The following PRRX2 variants were observed in gnomAD, a reference collection of about 807,000 sequenced individuals.
PRRX2 encodes paired mesoderm homeobox protein 2.
A neutral mutation model predicts 18.0 loss-of-function variants in PRRX2; 11 were observed. That is an observed-to-expected ratio of 0.61 (90% CI 0.39 to 1.01). PRRX2 has a LOEUF of 1.01. Ranked by LOEUF, PRRX2 falls within the 50% of genes least tolerant of loss-of-function variation. PRRX2 has a pLI of 0.01. For synonymous variants in PRRX2, 177 were observed against 154.8 expected (o/e 1.14, Z -1.06); for missense variants, 387 against 351.0 (o/e 1.10, Z -0.82).
At chr9:129,672,218 G>A (rs78143658) in intron 1 of PRRX2, among the ~76,000 whole-genome samples, 4 of 152,128 alleles carry the variant, frequency 2.6e-5, no homozygotes, top group African/African-American at 7.2e-5. Context: ...CAGAGGCTGC[G>A]CCAGTGGAGC....
intron 1 of PRRX2, among the ~76,000 whole-genome samples, chr9:129,696,477 A>C (rs2130921645): frequency 6.6e-6 from 1 of 152,322 alleles, no homozygotes. Flanking sequence ...CTAGAGGCTC[A>C]GGTGGGAGGA....
intron 1 of PRRX2, among the ~76,000 whole-genome samples, chr9:129,714,127 A>C (rs139312397): frequency 0.037 from 5,471 of 149,702 alleles, 349 homozygotes; most frequent in East Asian, 0.29. Context: ...ACATGGTGAA[A>C]CCTCATCTCT....
At chr9:129,704,445 G>C (rs564549482) in intron 1 of PRRX2, among the ~76,000 whole-genome samples, 1 of 152,286 alleles carries the variant, frequency 6.6e-6, no homozygotes, top group South Asian at 2.1e-4. Context: ...CAGATGCTCA[G>C]GGCAGGCAGG....
Position 129,665,977 on chromosome 9 carries a change from A to G in PRRX2, c.110A>G (p.Asn37Ser). The G allele has an allele frequency of 8.8e-7, 1 of 1,137,378 alleles. No individual in the cohort carries two copies. Among genetic ancestry groups the G allele is most frequent in the Non-Finnish European group, 1.1e-6 (1 of 922,102 alleles). 70.5% of individuals were successfully genotyped at this position (1,137,378 alleles called of 1,614,324 possible). A position where few individuals can be genotyped will look rare whatever the true frequency, so the allele number is the denominator to read the frequency against. Reference protein sequence around the residue: ...GPGDCAQARKNFSVSHLLDLE... With the variant: ...GPGDCAQARKSFSVSHLLDLE... ...GGCGACTGCGCCCAGGCGCGCAAGA[A>G]CTTCTCGGTGAGCCACCTCCTGGAC... is the stretch of plus-strand genomic sequence containing the variant. Residue 37 changes from asparagine (N) to serine (S), a missense_variant, in exon 1 of 4, where the codon AAC becomes AGC. Coordinates refer to ENST00000372469, the MANE Select transcript of PRRX2 (RefSeq NM_016307.4). The surrounding 1 kb of genome is among the most constrained non-coding windows in gnomAD (Gnocchi z 5.3).
chr9:129,693,872 C>A (rs1422433758), intron 1 of PRRX2, among the ~76,000 whole-genome samples: 1 of 152,114 alleles, frequency 6.6e-6, no homozygotes, highest in Admixed American at 6.5e-5. Flanking sequence ...GTGGAACTTC[C>A]CAAAATGAGC....
chr9:129,721,749 G>A (rs559892589), intron 3 of PRRX2, among the ~76,000 whole-genome samples: 3 of 152,186 alleles, frequency 2.0e-5, no homozygotes, highest in African/African-American at 7.2e-5. Context: ...CAAGCTAATT[G>A]TTTGTATTTT....
intron 1 of PRRX2, among the ~76,000 whole-genome samples, chr9:129,669,751 G>A (rs1832077157): frequency 6.6e-6 from 1 of 152,126 alleles, no homozygotes; most frequent in African/African-American, 2.4e-5. Flanking sequence ...TTGTGGTGGG[G>A]GTCCCCAGGG....
chr9:129,704,869 G>C (rs1003475879), intron 1 of PRRX2, among the ~76,000 whole-genome samples: 1 of 152,200 alleles, frequency 6.6e-6, no homozygotes, highest in East Asian at 1.9e-4. Flanking sequence ...ACTGGCTCTG[G>C]GCTTTAGGAG....
chr9:129,712,003 CAG>C (rs1281859738), intron 1 of PRRX2, among the ~76,000 whole-genome samples: 10 of 152,164 alleles, frequency 6.6e-5, no homozygotes, highest in African/African-American at 2.4e-4. Flanking sequence ...CAAGAAATCT[CAG>C]GGGGAAACCG....
chr9:129,718,679 G>A (rs1832746337), intron 1 of PRRX2: 1 of 152,304 alleles, frequency 6.6e-6, no homozygotes, highest in Non-Finnish European at 1.5e-5. Context: ...GAATGATGAG[G>A]ATCACGACAT....
chr9:129,682,249 G>A (rs943450875), intron 1 of PRRX2, among the ~76,000 whole-genome samples: 6 of 152,182 alleles, frequency 3.9e-5, no homozygotes, highest in African/African-American at 7.2e-5. Context: ...ACTCAGAGGC[G>A]TGGGTGGTGA....
intron 1 of PRRX2, among the ~76,000 whole-genome samples, chr9:129,697,390 G>A (rs987028815): frequency 9.9e-5 from 15 of 151,792 alleles, no homozygotes; most frequent in African/African-American, 3.6e-4. Context: ...GCTGGGCGGC[G>A]GCGGCGCGGG....
intron 1 of PRRX2, among the ~76,000 whole-genome samples, chr9:129,705,344 C>T (rs551281277): frequency 1.3e-5 from 2 of 152,288 alleles, no homozygotes; most frequent in South Asian, 2.1e-4. Context: ...CAGAGCCACT[C>T]GGCTGCATCT....
intron 2 of PRRX2, 56 bp from the exon 3 acceptor site, chr9:129,720,540 G>A: frequency 2.0e-6 from 3 of 1,493,506 alleles, no homozygotes; most frequent in Non-Finnish European, 2.7e-6. Flanking sequence ...CCCAGGTCCA[G>A]AAGGACTTGG....
At position 129,685,108 on chromosome 9, in the gene PRRX2, G is replaced by A. The variant is rs151307923; in HGVS notation, c.259+18982G>A. The stretch of plus-strand genomic sequence containing the variant: ...CATCACTCTGGCCAGAGTGGGCCCC[G>A]TGGGCTGAGTGGTACTCAGGAAGCT... On this transcript the variant is annotated intron_variant, in intron 1 of 3. Transcript: ENST00000372469. 1.3e-3 allele frequency among the ~76,000 whole-genome samples: 202 copies of A among 152,310 alleles called. 1 individual carries two copies. The highest frequency in any genetic ancestry group is 4.6e-3 in the African/African-American group (191 of 41,586).
At chr9:129,714,751 G>A (rs943039992) in intron 1 of PRRX2, among the ~76,000 whole-genome samples, 13 of 152,288 alleles carry the variant, frequency 8.5e-5, no homozygotes, top group Non-Finnish European at 1.8e-4. Flanking sequence ...GCTGCAAAAT[G>A]GTTTTCATTT....
intron 1 of PRRX2, among the ~76,000 whole-genome samples, chr9:129,679,009 G>A (rs1360321406): frequency 6.6e-6 from 1 of 152,186 alleles, no homozygotes; most frequent in Non-Finnish European, 1.5e-5. Flanking sequence ...GAAAGCTCCA[G>A]GAGCCATTTA....
chr9:129,690,621 C>T (rs1283525876), intron 1 of PRRX2, among the ~76,000 whole-genome samples: 1 of 151,872 alleles, frequency 6.6e-6, no homozygotes, highest in African/African-American at 2.4e-5. Flanking sequence ...ATTCTCCTGC[C>T]TCAGCCTCCT....
At chr9:129,705,459 A>G (rs376866489) in intron 1 of PRRX2, among the ~76,000 whole-genome samples, 25 of 152,202 alleles carry the variant, frequency 1.6e-4, no homozygotes, top group South Asian at 1.0e-3. Flanking sequence ...GGTTCAAGCA[A>G]TTCTCCTGCC....
Sources: allele counts gnomAD v4.1 joint callset (sites outside exome capture counted in the v4.1 genomes callset), GRCh38; gene constraint gnomAD v4.1.1; non-coding constraint Gnocchi (gnomAD v3.1); transcripts MANE v1.5; gene names NCBI Gene and HGNC (gene_info 2026-07-23, HGNC 2026-07-21).